The following PCSK6 variants were observed in gnomAD, a reference collection of about 807,000 sequenced individuals.
PCSK6 encodes paired basic amino acid cleaving enzyme 4.
A neutral mutation model predicts 123.3 loss-of-function variants in PCSK6; 85 were observed. That is an observed-to-expected ratio of 0.69 (90% CI 0.58 to 0.83). The LOEUF (loss-of-function observed/expected upper bound fraction) is 0.83, where lower values mean the gene tolerates loss of function less well. Ranked by LOEUF, PCSK6 falls within the 40% of genes least tolerant of loss-of-function variation. PCSK6 has a pLI of 0.00. For synonymous variants in PCSK6, 508 were observed against 516.0 expected (o/e 0.98, Z 0.21); for missense variants, 1,191 against 1,282.3 (o/e 0.93, Z 1.09).
chr15:101,404,729 C>T (rs981947472), intron 6 of PCSK6, among the ~76,000 whole-genome samples: 8 of 152,156 alleles, frequency 5.3e-5, no homozygotes, highest in Non-Finnish European at 8.8e-5. Context: ...GCCCTGGCCC[C>T]GGAACTGCTG....
intron 1 of PCSK6, among the ~76,000 whole-genome samples, chr15:101,486,250 C>T (rs544445670): frequency 1.3e-5 from 2 of 152,320 alleles, no homozygotes; most frequent in South Asian, 4.1e-4. Context: ...CCACCATGCC[C>T]AGCCTAAACT....
In PCSK6 at chr15:101,366,181, C is replaced by T; in HGVS notation, c.1858+15G>A. Reference sequence around the variant, plus strand: ...AGATACAAAAGCTGTCATGAGATTCCCAAGAGCCACTGACCTTGCTTCTCC... The same window carrying T: ...AGATACAAAAGCTGTCATGAGATTCTCAAGAGCCACTGACCTTGCTTCTCC... On this transcript the variant is annotated intron_variant, in intron 13 of 21. Transcript: ENST00000611716. 1 of 1,606,036 alleles carries T rather than the reference C, an allele frequency of 6.2e-7. No individual in the cohort carries two copies. The highest frequency in any genetic ancestry group is 1.1e-5 in the South Asian group (1 of 89,978).
chr15:101,462,042 G>T (rs1340447478), intron 1 of PCSK6, among the ~76,000 whole-genome samples: 2 of 152,138 alleles, frequency 1.3e-5, no homozygotes, highest in African/African-American at 2.4e-5. Flanking sequence ...ATTCACAGAT[G>T]ATATGACTAT....
At chr15:101,442,566 T>C (rs1379096850) in intron 2 of PCSK6, among the ~76,000 whole-genome samples, 2 of 152,178 alleles carry the variant, frequency 1.3e-5, no homozygotes, top group East Asian at 1.9e-4. Context: ...CTGATTGTCA[T>C]TGAAGCAGGT....
At chr15:101,457,191 A>T (rs550677172) in intron 1 of PCSK6, among the ~76,000 whole-genome samples, 7 of 151,800 alleles carry the variant, frequency 4.6e-5, no homozygotes, top group Admixed American at 2.0e-4. Flanking sequence ...TAAATAAATA[A>T]AAATAAATAA....
intron 18 of PCSK6, among the ~76,000 whole-genome samples, chr15:101,320,001 T>TGTGGGGCAGGGGGGACTG (rs1259001333): frequency 3.9e-5 from 6 of 152,100 alleles, no homozygotes; most frequent in Non-Finnish European, 8.8e-5. Flanking sequence ...GTGATTGACA[T>TGTGGGGCAGGGGGGACTG]CAAAGTGGGG....
chr15:101,401,398 G>A (rs372256038), intron 6 of PCSK6, among the ~76,000 whole-genome samples: 4 of 152,264 alleles, frequency 2.6e-5, no homozygotes, highest in African/African-American at 4.8e-5. Context: ...CTACCTCAGC[G>A]AGCTGGCTGC....
chr15:101,468,118 T>A (rs1383345128), intron 1 of PCSK6, among the ~76,000 whole-genome samples: 1 of 152,216 alleles, frequency 6.6e-6, no homozygotes, highest in African/African-American at 2.4e-5. Context: ...GCTCTGCCAT[T>A]TCTAATTGGG....
intron 11 of PCSK6, among the ~76,000 whole-genome samples, chr15:101,375,346 C>A (rs2041704174): frequency 6.6e-6 from 1 of 152,126 alleles, no homozygotes. Flanking sequence ...CATTAACTTA[C>A]ACAATGCCGT....
chr15:101,423,738 G>C (rs1396131372), intron 6 of PCSK6, among the ~76,000 whole-genome samples: 2 of 152,118 alleles, frequency 1.3e-5, no homozygotes, highest in African/African-American at 2.4e-5. Flanking sequence ...TGCCCACAGA[G>C]AGTAGAAAGA....
At chr15:101,402,926 T>C (rs1159566350) in intron 6 of PCSK6, among the ~76,000 whole-genome samples, 1 of 152,148 alleles carries the variant, frequency 6.6e-6, no homozygotes, top group Non-Finnish European at 1.5e-5. Context: ...ACTGGGTATA[T>C]ACCCAAAGGA....
chr15:101,310,267 C>T (rs2141333646), intron 20 of PCSK6, among the ~76,000 whole-genome samples: 1 of 152,356 alleles, frequency 6.6e-6, no homozygotes, highest in East Asian at 1.9e-4. Flanking sequence ...CTGCCCCTCA[C>T]CTGGGAACAA....
intron 17 of PCSK6, 59 bp from the exon 18 acceptor site, chr15:101,322,666 TG>T: frequency 8.9e-7 from 1 of 1,119,980 alleles, no homozygotes; most frequent in Non-Finnish European, 1.4e-6. Flanking sequence ...GAATGAAATC[TG>T]GGCAAGCAGG....
chr15:101,324,409 C>A (rs547484589), intron 17 of PCSK6, among the ~76,000 whole-genome samples: 1 of 152,216 alleles, frequency 6.6e-6, no homozygotes, highest in Non-Finnish European at 1.5e-5. Context: ...CCACGCCCAG[C>A]GCACACATCC....
intron 13 of PCSK6, among the ~76,000 whole-genome samples, chr15:101,340,521 G>A (rs1041621419): frequency 6.6e-6 from 1 of 152,142 alleles, no homozygotes. Flanking sequence ...CTCTTACAAG[G>A]TTTATAACAA....
chr15:101,442,573 A>C (rs1321827809), intron 2 of PCSK6, among the ~76,000 whole-genome samples: 1 of 152,208 alleles, frequency 6.6e-6, no homozygotes, highest in African/African-American at 2.4e-5. Flanking sequence ...TCATTGAAGC[A>C]GGTGGGTTGG....
intron 1 of PCSK6, among the ~76,000 whole-genome samples, chr15:101,476,553 CATTTAT>C (rs1313977205): frequency 2.8e-5 from 4 of 143,680 alleles, no homozygotes; most frequent in African/African-American, 7.8e-5. Context: ...AGTGTGATTC[CATTTAT>C]ATTAAAAAAA....
intron 13 of PCSK6, among the ~76,000 whole-genome samples, chr15:101,350,346 A>G (rs2040857707): frequency 6.6e-6 from 1 of 152,162 alleles, no homozygotes; most frequent in African/African-American, 2.4e-5. Context: ...GTGATCTGTA[A>G]GCACTCTACA....
At chr15:101,359,037 G>A (rs2041132780) in intron 13 of PCSK6, among the ~76,000 whole-genome samples, 1 of 152,174 alleles carries the variant, frequency 6.6e-6, no homozygotes, top group Admixed American at 6.5e-5. Flanking sequence ...TGACAGGAAG[G>A]CGCCCGTCCT....
Sources: allele counts gnomAD v4.1 joint callset (sites outside exome capture counted in the v4.1 genomes callset), GRCh38; gene constraint gnomAD v4.1.1; transcripts MANE v1.5; gene names NCBI Gene and HGNC (gene_info 2026-07-23, HGNC 2026-07-21).